MAML2: variants seen among roughly 807,000 people sequenced by gnomAD.
MAML2 encodes the protein mastermind-like protein 2.
A neutral mutation model predicts 96.1 loss-of-function variants in MAML2; 22 were observed. The ratio of observed to expected loss-of-function variants is 0.23; its 90% CI spans 0.16 to 0.33. The LOEUF is 0.33. MAML2 is among the 10% of genes least tolerant of loss of function. The probability of loss-of-function intolerance (pLI) is 1.00; values close to 1 mark genes in which losing one functional copy is unlikely to be tolerated. For synonymous variants in MAML2, 561 were observed against 521.3 expected (o/e 1.08, Z -1.04); for missense variants, 1,367 against 1,392.4 (o/e 0.98, Z 0.29).
In MAML2 at chr11:96,260,532, C is replaced by T. The variant is rs897552451; in HGVS notation, c.513+80851G>A. On this transcript the variant is annotated intron_variant, in intron 1 of 4. Transcript: ENST00000524717. Reference sequence around the variant, plus strand: ...GGGTGTGCTTTTGGGACACTTTCAGCTTTTCTGATAAGAGGAACACCAGGG... The same window carrying T: ...GGGTGTGCTTTTGGGACACTTTCAGTTTTTCTGATAAGAGGAACACCAGGG... Among the ~76,000 whole-genome samples the T allele has an allele frequency of 4.6e-5, 7 of 152,274 alleles. 1 individual carries two copies. In the South Asian group the frequency reaches 8.3e-4, roughly 18 times the overall value.
intron 1 of MAML2, among the ~76,000 whole-genome samples, chr11:96,097,509 A>G (rs537114701): frequency 2.0e-5 from 3 of 152,246 alleles, no homozygotes; most frequent in Admixed American, 1.3e-4. Flanking sequence ...ATGATACTGG[A>G]AAGGTAAAGG....
rs181965398 is a variant in MAML2 at position 96,300,032 on chromosome 11, A to C, written c.513+41351T>G. On this transcript the variant is annotated intron_variant, in intron 1 of 4. Transcript: ENST00000524717. Reference sequence around the variant, plus strand: ...GGGAGAATAACAAACAGTGGAGATAATAGAGGTTTTAATAAGAAAAGAACA... The same window carrying C: ...GGGAGAATAACAAACAGTGGAGATACTAGAGGTTTTAATAAGAAAAGAACA... 2.0e-4 allele frequency among the ~76,000 whole-genome samples: 31 copies of C among 152,320 alleles called. No homozygotes were observed. The East Asian group carries it at 3.9e-3, about 19-fold the overall frequency.
chr11:96,073,466 G>A (rs992164509), intron 2 of MAML2, among the ~76,000 whole-genome samples: 2 of 151,864 alleles, frequency 1.3e-5, no homozygotes, highest in African/African-American at 2.4e-5. Flanking sequence ...GACTACAGGC[G>A]CCCGCCACCA....
chr11:96,196,024 AT>A (rs1310206529), intron 1 of MAML2, among the ~76,000 whole-genome samples: 3 of 152,236 alleles, frequency 2.0e-5, no homozygotes, highest in Non-Finnish European at 2.9e-5. Flanking sequence ...TTATCTATAC[AT>A]TTTAAAATGT....
At chr11:96,062,638 T>C (rs1454983107) in intron 2 of MAML2, among the ~76,000 whole-genome samples, 1 of 152,188 alleles carries the variant, frequency 6.6e-6, no homozygotes, top group Non-Finnish European at 1.5e-5. Flanking sequence ...TGCCTGCTAA[T>C]TTTACCTCTT....
chr11:96,182,701 G>T lies in MAML2; in HGVS notation c.514-89184C>A, dbSNP rs1159115202. On this transcript the variant is annotated intron_variant, in intron 1 of 4. Coordinates refer to ENST00000524717, the MANE Select transcript of MAML2 (RefSeq NM_032427.4). ...TAAGATCAAAGTAGTTAAGTAGCTT[G>T]CACAAGTCCACACAGCTAGTAAGAG... Among the ~76,000 whole-genome samples, 4 of 152,254 alleles carry T rather than the reference G, an allele frequency of 2.6e-5. No homozygotes were observed. The East Asian group carries it at 5.8e-4, about 22-fold the overall frequency.
intron 1 of MAML2, among the ~76,000 whole-genome samples, chr11:96,297,818 C>T (rs1351793385): frequency 6.6e-6 from 1 of 152,094 alleles, no homozygotes; most frequent in East Asian, 1.9e-4. Flanking sequence ...TAATTTCACT[C>T]CTAATTACTT....
chr11:96,162,568 G>A (rs761001332), intron 1 of MAML2, among the ~76,000 whole-genome samples: 9 of 151,996 alleles, frequency 5.9e-5, no homozygotes, highest in East Asian at 1.9e-4. Context: ...GAAATTAGCC[G>A]GGCATGGTGG....
At chr11:96,245,933 G>A (rs183628160) in intron 1 of MAML2, among the ~76,000 whole-genome samples, 10 of 152,130 alleles carry the variant, frequency 6.6e-5, no homozygotes, top group African/African-American at 2.4e-4. Flanking sequence ...TCGAACTCCT[G>A]ACCTCGTGAT....
intron 1 of MAML2, among the ~76,000 whole-genome samples, chr11:96,102,325 G>A (rs903603067): frequency 2.0e-5 from 3 of 151,992 alleles, no homozygotes; most frequent in South Asian, 4.2e-4. Flanking sequence ...TTCAATTAAC[G>A]TTAGAATTAA....
intron 2 of MAML2, among the ~76,000 whole-genome samples, chr11:96,003,244 A>C (rs1032809064): frequency 4.6e-5 from 7 of 152,238 alleles, no homozygotes; most frequent in Admixed American, 3.3e-4. Flanking sequence ...GTTGGAAGGC[A>C]GGGAGAAGGC....
chr11:96,341,345 G>A (rs1863989087), intron 1 of MAML2, 38 bp downstream of exon 1: 8 of 1,483,424 alleles, frequency 5.4e-6, no homozygotes, highest in Non-Finnish European at 7.2e-6. Flanking sequence ...AAAGGTCACA[G>A]GACCACAGCC....
chr11:96,052,142 A>G (rs1769515204), intron 2 of MAML2, among the ~76,000 whole-genome samples: 3 of 152,164 alleles, frequency 2.0e-5, no homozygotes. Flanking sequence ...AGCACCTAGT[A>G]TTATTTTCAG....
intron 1 of MAML2, among the ~76,000 whole-genome samples, chr11:96,252,709 C>G (rs775107050): frequency 2.6e-5 from 4 of 152,092 alleles, no homozygotes. Context: ...AGATGAGGCA[C>G]CTGAGGCAAG....
intron 1 of MAML2, among the ~76,000 whole-genome samples, chr11:96,218,424 A>G (rs970731751): frequency 9.2e-5 from 14 of 152,212 alleles, no homozygotes; most frequent in African/African-American, 3.1e-4. Flanking sequence ...CACAGCATGA[A>G]ATGCATTTTT....
intron 2 of MAML2, among the ~76,000 whole-genome samples, chr11:96,015,898 C>CTAT (rs934303890): frequency 1.3e-5 from 2 of 151,154 alleles, no homozygotes; most frequent in African/African-American, 2.4e-5. Context: ...AATGTGGTGA[C>CTAT]TATTATTATT....
At chr11:96,324,658 T>C (rs933778019) in intron 1 of MAML2, among the ~76,000 whole-genome samples, 1 of 152,200 alleles carries the variant, frequency 6.6e-6, no homozygotes, top group African/African-American at 2.4e-5. Context: ...CTCCAGGTAA[T>C]GAGAAAACAT....
chr11:96,341,538 C>T lies in MAML2; in HGVS notation c.358G>A (p.Ala120Thr), dbSNP rs761543021. 18 of 1,550,216 alleles carry T rather than the reference C, an allele frequency of 1.2e-5. No individual in the cohort carries two copies. The South Asian group carries it at 2.1e-4, about 18-fold the overall frequency. ...GGTGGGGGCGGTGGGGCTGCTGTTG[C>T]TGCTGCTTGGGAGGCCGCAGGAGGG... is the stretch of plus-strand genomic sequence containing the variant. Reference protein sequence around the residue: ...AAPPAASQAAATAAPPPPPDY... With the variant: ...AAPPAASQAATTAAPPPPPDY... Residue 120 changes from alanine (A) to threonine (T), a missense_variant, in exon 1 of 5, where the codon GCA becomes ACA. Coordinates refer to ENST00000524717, the MANE Select transcript of MAML2 (RefSeq NM_032427.4).
At chr11:95,998,468 G>A (rs1431151245) in intron 2 of MAML2, among the ~76,000 whole-genome samples, 1 of 152,080 alleles carries the variant, frequency 6.6e-6, no homozygotes, top group Non-Finnish European at 1.5e-5. Context: ...CCTATGTCCT[G>A]GGCATTTCAT....
Sources: gnomAD v4.1 joint callset for allele counts (sites outside exome capture counted in the v4.1 genomes callset) on GRCh38, gnomAD v4.1.1 for gene constraint, MANE v1.5 for transcripts, NCBI Gene and HGNC (gene_info 2026-07-23, HGNC 2026-07-21) for gene names.